DGKB: variants seen among roughly 807,000 people sequenced by gnomAD.
The protein encoded by DGKB is diacylglycerol kinase beta, also known as 90 kDa diacylglycerol kinase.
In DGKB, 67 loss-of-function variants were observed where a neutral mutation model predicts 114.3. The observed-to-expected ratio is 0.59, with a 90% confidence interval of 0.48 to 0.72. DGKB has a LOEUF of 0.72. DGKB is among the 30% of genes least tolerant of loss of function. The pLI is 0.00. For missense variants in DGKB, 907 were observed against 975.2 expected (o/e 0.93, Z 0.93); for synonymous variants, 398 against 323.1 (o/e 1.23, Z -2.49).
At chr7:14,456,340 C>T (rs1427741036) in intron 21 of DGKB, among the ~76,000 whole-genome samples, 1 of 152,004 alleles carries the variant, frequency 6.6e-6, no homozygotes, top group Non-Finnish European at 1.5e-5. Flanking sequence ...CTTTTAGGCA[C>T]TCAGATGTAG....
intron 21 of DGKB, among the ~76,000 whole-genome samples, chr7:14,364,922 A>C (rs1337539217): frequency 2.0e-5 from 3 of 152,038 alleles, no homozygotes; most frequent in Non-Finnish European, 4.4e-5. Context: ...TATCATATAG[A>C]AGGTCACCAT....
At chr7:14,585,365 T>A (rs1800583377) in intron 17 of DGKB, among the ~76,000 whole-genome samples, 1 of 152,186 alleles carries the variant, frequency 6.6e-6, no homozygotes, top group African/African-American at 2.4e-5. Context: ...CCCTTTCTAA[T>A]TTACAAAGGT....
intron 21 of DGKB, among the ~76,000 whole-genome samples, chr7:14,386,528 C>A (rs1820368171): frequency 6.6e-6 from 1 of 152,116 alleles, no homozygotes; most frequent in Admixed American, 6.6e-5. Context: ...TAATTTTTGC[C>A]ACAGGAATGT....
chr7:14,799,437 A>G (rs1268921651), intron 2 of DGKB, among the ~76,000 whole-genome samples: 1 of 152,234 alleles, frequency 6.6e-6, no homozygotes, highest in African/African-American at 2.4e-5. Flanking sequence ...GGCAAGAATT[A>G]GCAGCTACTC....
intron 23 of DGKB, among the ~76,000 whole-genome samples, chr7:14,204,570 T>C (rs1230214898): frequency 6.6e-6 from 1 of 152,038 alleles, no homozygotes; most frequent in Non-Finnish European, 1.5e-5. Context: ...CTTATGCTTT[T>C]TGATGAGCTA....
intron 21 of DGKB, among the ~76,000 whole-genome samples, chr7:14,458,084 C>T (rs75411102): frequency 2.0e-5 from 3 of 152,040 alleles, no homozygotes; most frequent in Non-Finnish European, 4.4e-5. Context: ...TTAAAAAAAA[C>T]GATGCTCTAA....
chr7:14,628,077 C>T (rs1808969984), intron 14 of DGKB, among the ~76,000 whole-genome samples: 1 of 152,140 alleles, frequency 6.6e-6, no homozygotes, highest in Non-Finnish European at 1.5e-5. Context: ...CAGGAGGCAG[C>T]TCTCTTATGC....
intron 20 of DGKB, among the ~76,000 whole-genome samples, chr7:14,495,060 GA>G (rs1785104816): frequency 6.6e-6 from 1 of 151,816 alleles, no homozygotes; most frequent in Non-Finnish European, 1.5e-5. Flanking sequence ...TTGCTTAAAT[GA>G]AAAGTACAAA....
At chr7:14,294,087 G>A (rs1187108228) in intron 23 of DGKB, among the ~76,000 whole-genome samples, 2 of 151,996 alleles carry the variant, frequency 1.3e-5, no homozygotes, top group Non-Finnish European at 2.9e-5. Context: ...GCCTTTTCCA[G>A]CTTCTAGTAA....
upstream of DGKB, among the ~76,000 whole-genome samples, chr7:14,905,771 T>C (rs1021831551): frequency 6.6e-6 from 1 of 152,214 alleles, no homozygotes; most frequent in Non-Finnish European, 1.5e-5. Context: ...CATGCGTCTC[T>C]AGCATCTACC....
At chr7:14,223,882 A>G (rs1790379512) in intron 23 of DGKB, among the ~76,000 whole-genome samples, 1 of 151,364 alleles carries the variant, frequency 6.6e-6, no homozygotes. Flanking sequence ...CTTTAAATTC[A>G]CTTGGAATTT....
intron 1 of DGKB, among the ~76,000 whole-genome samples, chr7:14,900,795 A>G (rs748437226): frequency 1.1e-4 from 17 of 152,310 alleles, no homozygotes; most frequent in African/African-American, 3.1e-4. Flanking sequence ...CTCCAACTAC[A>G]TAAGTTTCTA....
At chr7:14,381,044 C>T (rs918988521) in intron 21 of DGKB, among the ~76,000 whole-genome samples, 9 of 152,182 alleles carry the variant, frequency 5.9e-5, no homozygotes, top group African/African-American at 1.7e-4. Flanking sequence ...AGGAAGGCTC[C>T]TCACAGTGCA....
intron 20 of DGKB, among the ~76,000 whole-genome samples, chr7:14,489,404 A>G (rs1198899554): frequency 1.3e-5 from 2 of 152,162 alleles, no homozygotes; most frequent in African/African-American, 4.8e-5. Context: ...GCTGATATAT[A>G]TTATTTTCAA....
chr7:14,301,677 A>G (rs1259751645), intron 23 of DGKB, among the ~76,000 whole-genome samples: 2 of 152,186 alleles, frequency 1.3e-5, no homozygotes, highest in East Asian at 3.9e-4. Flanking sequence ...GTATATATAC[A>G]TGAATAGGTG....
chr7:14,561,476 G>A (rs1796649392), intron 20 of DGKB, among the ~76,000 whole-genome samples: 1 of 152,140 alleles, frequency 6.6e-6, no homozygotes, highest in African/African-American at 2.4e-5. Flanking sequence ...AGAGTGACAG[G>A]CAGAAGATGG....
In DGKB at chr7:14,901,884, A is replaced by T. The variant is rs1252213787; in HGVS notation, c.-188+708T>A. Among the ~76,000 whole-genome samples the T allele has an allele frequency of 3.9e-5, 6 of 152,112 alleles. 1 individual carries two copies. The highest frequency in any genetic ancestry group is 3.9e-4 in the Admixed American group (6 of 15,262). ...TTAAGCCTTCATTTTCTGCCAGTGAACACAATGCTGCTTGGTTTCTAAGTA... is the reference window on the plus strand; with the variant it reads ...TTAAGCCTTCATTTTCTGCCAGTGATCACAATGCTGCTTGGTTTCTAAGTA... On this transcript the variant is annotated intron_variant, in intron 1 of 25. Transcript: ENST00000402815.
At chr7:14,313,835 A>T (rs1447138125) in intron 23 of DGKB, among the ~76,000 whole-genome samples, 1 of 152,206 alleles carries the variant, frequency 6.6e-6, no homozygotes, top group East Asian at 1.9e-4. Flanking sequence ...GGCAGGGCAC[A>T]GACAAACAAA....
intron 21 of DGKB, among the ~76,000 whole-genome samples, chr7:14,475,458 A>G (rs970651353): frequency 6.6e-6 from 1 of 152,162 alleles, no homozygotes; most frequent in East Asian, 1.9e-4. Flanking sequence ...TTAATCTGCA[A>G]ATGTATAGAT....
Sources: allele counts gnomAD v4.1 joint callset (sites outside exome capture counted in the v4.1 genomes callset), GRCh38; gene constraint gnomAD v4.1.1; transcripts MANE v1.5; gene names NCBI Gene and HGNC (gene_info 2026-07-23, HGNC 2026-07-21).